The following ECM2 variants were observed in gnomAD, a reference collection of about 807,000 sequenced individuals.
The protein encoded by ECM2 is extracellular matrix protein 2.
In ECM2, 57 loss-of-function variants were observed where a neutral mutation model predicts 67.5. The ratio of observed to expected loss-of-function variants is 0.84; its 90% CI spans 0.68 to 1.05. ECM2 has a LOEUF of 1.05. Among genes scored for constraint, ECM2 ranks in the 50% least tolerant of loss-of-function variants. The pLI is 0.00. For missense variants in ECM2, 741 were observed against 822.8 expected, an observed-to-expected ratio of 0.90 and a Z score of 1.22; for synonymous variants, 258 against 294.5, an observed-to-expected ratio of 0.88 and a Z score of 1.27.
intron 4 of ECM2, among the ~76,000 whole-genome samples, chr9:92,514,326 G>C (rs1367409364): frequency 6.7e-6 from 1 of 148,800 alleles, no homozygotes; most frequent in Non-Finnish European, 1.5e-5. Flanking sequence ...CCAGGCTAGA[G>C]AACAGTGGCT....
At chr9:92,494,102 A>G (rs951349913), downstream of ECM2, 2 of 1,597,820 alleles carry the variant, frequency 1.3e-6, no homozygotes, top group Admixed American at 1.7e-5. Context: ...AGGAAAGGCC[A>G]CATCTGATCT....
In ECM2 at chr9:92,514,655, G is replaced by A. The variant is rs147083553; in HGVS notation, c.1030C>T (p.Gln344Ter). Residue 344 changes from glutamine to a stop codon, truncating the protein, a stop_gained, in exon 4 of 10, where the codon CAG becomes TAG. Transcript: ENST00000344604. LOFTEE classifies it high-confidence loss of function. ...CCAGTGAGCTCCAGACTTGTTATCT[G>A]TGGTGCTGTCAGCGGTGGTATCTGG... ...LTQIPPLTAPQITSLELTGNS... is the reference protein window; with the variant it reads ...LTQIPPLTAP The A allele has an allele frequency of 4.8e-5, 77 of 1,594,742 alleles. No individual in the cohort carries two copies. Among genetic ancestry groups the A allele is most frequent in the Non-Finnish European group, 6.4e-5 (75 of 1,168,364 alleles).
At chr9:92,514,540 G>T in intron 4 of ECM2, 91 bp downstream of exon 4, 1 of 1,477,396 alleles carries the variant, frequency 6.8e-7, no homozygotes. Context: ...CTTTCAAAGT[G>T]CTGAGATTAT....
At chr9:92,551,942 T>TATATATATATG in the ECM2 span, among the ~76,000 whole-genome samples, 1 of 79,520 alleles carries the variant, frequency 1.3e-5, no homozygotes, top group Non-Finnish European at 2.3e-5. Flanking sequence ...TATATATATA[T>TATATATATATG]ATATATATAT....
upstream of ECM2, among the ~76,000 whole-genome samples, chr9:92,537,832 A>G (rs182460389): frequency 1.3e-5 from 2 of 152,326 alleles, no homozygotes; most frequent in Admixed American, 6.5e-5. Context: ...TTTTTTCACT[A>G]CCATAGTGAG....
At chr9:92,526,923 A>C (rs1429530224) in intron 1 of ECM2, among the ~76,000 whole-genome samples, 3 of 152,194 alleles carry the variant, frequency 2.0e-5, no homozygotes, top group Admixed American at 2.0e-4. Context: ...ATTCATGGTA[A>C]GTACCCTAGA....
intron 1 of ECM2, among the ~76,000 whole-genome samples, chr9:92,535,352 GTGTT>G (rs533025884): frequency 6.6e-6 from 1 of 152,104 alleles, no homozygotes; most frequent in Non-Finnish European, 1.5e-5. Context: ...TCGTAATTGA[GTGTT>G]TGCCTCCTAG....
chr9:92,496,223 T>C lies in ECM2; in HGVS notation c.*92A>G, dbSNP rs1846337093. ...GACTAGCATATAATGATACTGAGTA[T>C]AACAGGAGGATTATGTCTCTCTTAT... On this transcript the variant is annotated 3_prime_UTR_variant, in exon 10 of 10. Coordinates refer to ENST00000344604, the MANE Select transcript of ECM2 (RefSeq NM_001393.4). 6.7e-7 allele frequency: 1 copy of C among 1,484,748 alleles called. No homozygotes were observed. Among genetic ancestry groups the C allele is most frequent in the South Asian group, 1.5e-5 (1 of 68,484 alleles). The allele number at this position is 1,484,748 out of a possible 1,614,324, so 92.0% of individuals were successfully genotyped here. A position where few individuals can be genotyped will look rare whatever the true frequency, so the allele number is the denominator to read the frequency against.
At chr9:92,554,062 A>G in the ECM2 span, among the ~76,000 whole-genome samples, 1 of 152,124 alleles carries the variant, frequency 6.6e-6, no homozygotes, top group Non-Finnish European at 1.5e-5. Flanking sequence ...GATGGCTTTT[A>G]TTACATTAAG....
At chr9:92,513,622 T>C (rs1847498904) in intron 4 of ECM2, among the ~76,000 whole-genome samples, 1 of 152,310 alleles carries the variant, frequency 6.6e-6, no homozygotes, top group East Asian at 1.9e-4. Context: ...AGGAATGAAC[T>C]ACTGATACAC....
At chr9:92,493,752 C>T (rs978272943), downstream of ECM2, 1 of 169,942 alleles carries the variant, frequency 5.9e-6, no homozygotes, top group Non-Finnish European at 1.3e-5. Flanking sequence ...GAACAAGTTC[C>T]ATGCTAGCCA....
At chr9:92,514,576 CTAAGAGTCAT>C in intron 4 of ECM2, 45 bp downstream of exon 4, 1 of 1,524,476 alleles carries the variant, frequency 6.6e-7, no homozygotes, top group South Asian at 1.3e-5. Flanking sequence ...TGCCCAGCTG[CTAAGAGTCAT>C]TTACTTTTAA....
At chr9:92,527,868 G>A (rs1019529536) in intron 1 of ECM2, 1 of 154,072 alleles carries the variant, frequency 6.5e-6, no homozygotes, top group Non-Finnish European at 1.5e-5. Context: ...TATATCACCT[G>A]AAGGCCAAGA....
chr9:92,558,425 A>G, the ECM2 span, among the ~76,000 whole-genome samples: 2 of 152,272 alleles, frequency 1.3e-5, no homozygotes, highest in Middle Eastern at 6.8e-3. Flanking sequence ...GGGCCTAGCC[A>G]CCCAGTGAGT....
At chr9:92,537,968 G>C (rs1849229177), upstream of ECM2, among the ~76,000 whole-genome samples, 1 of 152,068 alleles carries the variant, frequency 6.6e-6, no homozygotes, top group Non-Finnish European at 1.5e-5. Flanking sequence ...GTTTTTTGGG[G>C]GAAAAAAATG....
At chr9:92,497,081 C>A (rs1846390271) in intron 9 of ECM2, among the ~76,000 whole-genome samples, 1 of 152,152 alleles carries the variant, frequency 6.6e-6, no homozygotes, top group African/African-American at 2.4e-5. Flanking sequence ...TACATACACA[C>A]TTTACCCTTT....
intron 1 of ECM2, among the ~76,000 whole-genome samples, 170 bp from the exon 2 acceptor site, chr9:92,523,063 T>C (rs1588226940): frequency 6.6e-6 from 1 of 152,132 alleles, no homozygotes; most frequent in South Asian, 2.1e-4. Context: ...GGAATTCTTC[T>C]ATCAGAATCA....
At chr9:92,522,160 C>T (rs1220233271) in intron 2 of ECM2, among the ~76,000 whole-genome samples, 1 of 152,052 alleles carries the variant, frequency 6.6e-6, no homozygotes, top group Admixed American at 6.6e-5. Context: ...GATCTCTGCT[C>T]ACTGCAACCT....
intron 6 of ECM2, 109 bp downstream of exon 6, chr9:92,509,789 TA>T: frequency 8.2e-7 from 1 of 1,216,624 alleles, no homozygotes; most frequent in Non-Finnish European, 1.1e-6. Flanking sequence ...TTAAGTGACC[TA>T]AAAATATTTA....
Sources: allele counts gnomAD v4.1 joint callset (sites outside exome capture counted in the v4.1 genomes callset), GRCh38; gene constraint gnomAD v4.1.1; transcripts MANE v1.5; gene names NCBI Gene and HGNC (gene_info 2026-07-23, HGNC 2026-07-21).